Variants in SKIL observed in about 807,000 individuals in gnomAD.
SKIL encodes the protein SKI like proto-oncogene.
A neutral mutation model predicts 69.6 loss-of-function variants in SKIL; 20 were observed. That is an observed-to-expected ratio of 0.29 (90% CI 0.20 to 0.42). SKIL has a LOEUF of 0.42. Among genes scored for constraint, SKIL ranks in the 10% least tolerant of loss-of-function variants. SKIL has a pLI of 1.00. For synonymous variants in SKIL, 310 were observed against 279.9 expected, an observed-to-expected ratio of 1.11 and a Z score of -1.08; for missense variants, 745 against 783.1, an observed-to-expected ratio of 0.95 and a Z score of 0.58.
At chr3:170,372,382 T>C (rs1447474411) in intron 2 of SKIL, among the ~76,000 whole-genome samples, 1 of 152,226 alleles carries the variant, frequency 6.6e-6, no homozygotes, top group African/African-American at 2.4e-5. Context: ...CTGCCATTGC[T>C]GTGACTCCTG....
chr3:170,391,165 A>G lies in SKIL; in HGVS notation c.1801A>G (p.Lys601Glu), dbSNP rs563321311. ...QRMEEFYVEQKDLEKKLEQIM... is the reference protein window; with the variant it reads ...QRMEEFYVEQEDLEKKLEQIM... ...AATGGAAGAATTTTATGTTGAACAGAAAGACTTAGAGAAAAAATTGGAGCA... is the reference window on the plus strand; with the variant it reads ...AATGGAAGAATTTTATGTTGAACAGGAAGACTTAGAGAAAAAATTGGAGCA... The change falls in exon 6 of 7, where the codon AAA becomes GAA. Residue 601 changes from lysine to glutamate, a missense_variant. Transcript: ENST00000259119. 21 of 1,612,024 alleles carry G rather than the reference A, an allele frequency of 1.3e-5. No individual in the cohort carries two copies. The highest frequency in any genetic ancestry group is 1.2e-4 in the Admixed American group (7 of 59,994).
chr3:170,370,193 C>T (rs896272429), intron 2 of SKIL, among the ~76,000 whole-genome samples: 1 of 151,932 alleles, frequency 6.6e-6, no homozygotes, highest in Non-Finnish European at 1.5e-5. Context: ...GAGCCGAGAT[C>T]GCGCCACTGC....
intron 2 of SKIL, among the ~76,000 whole-genome samples, chr3:170,375,580 T>C (rs961542755): frequency 6.6e-6 from 1 of 152,150 alleles, no homozygotes; most frequent in African/African-American, 2.4e-5. Flanking sequence ...TATTTTTTTC[T>C]TTTTCTTTTT....
chr3:170,385,906 C>G (rs1034766801), intron 4 of SKIL, among the ~76,000 whole-genome samples: 52 of 151,780 alleles, frequency 3.4e-4, no homozygotes, highest in African/African-American at 1.2e-3. Flanking sequence ...GATTCTCCTG[C>G]CTCAGCCTCC....
chr3:170,361,062 G>A lies in SKIL; in HGVS notation c.731G>A (p.Ser244Asn), dbSNP rs1736203452. The change falls in exon 2 of 7, where the codon AGC becomes AAC. Residue 244 changes from serine to asparagine, a missense_variant. By Grantham distance (46) the Ser-to-Asn change is conservative. Coordinates refer to ENST00000259119, the MANE Select transcript of SKIL (RefSeq NM_005414.5). Reference protein sequence around the residue: ...LRPRTFPQNGSVLPAKSSLAQ... With the variant: ...LRPRTFPQNGNVLPAKSSLAQ... The stretch of plus-strand genomic sequence containing the variant: ...CCACGAACTTTTCCTCAAAATGGTA[G>A]CGTACTTCCTGCTAAAAGCTCATTG... 1 of 1,614,208 alleles carries A rather than the reference G, an allele frequency of 6.2e-7. No homozygotes were observed. The highest frequency in any genetic ancestry group is 8.5e-7 in the Non-Finnish European group (1 of 1,180,046).
At chr3:170,387,795 G>A (rs1220345303) in intron 4 of SKIL, among the ~76,000 whole-genome samples, 2 of 130,592 alleles carry the variant, frequency 1.5e-5, no homozygotes, top group South Asian at 2.5e-4. Flanking sequence ...TTAGCCGGGC[G>A]TAGTGGCGGG....
rs148563911 is a variant in SKIL, at chr3:170,389,802, G to C, written c.1430-421G>C. On this transcript the variant is annotated intron_variant, in intron 4 of 6. Coordinates refer to ENST00000259119, the MANE Select transcript of SKIL (RefSeq NM_005414.5). ...GTAGTAAGCTTTGAAATTGGGAATT[G>C]TGAGTCTTTCAACTTCGTTATTCTT... 1.6e-4 allele frequency among the ~76,000 whole-genome samples: 24 copies of C among 152,308 alleles called. No individual in the cohort carries two copies. The East Asian group carries it at 4.6e-3, about 29-fold the overall frequency.
chr3:170,376,891 C>T (rs756390501), intron 2 of SKIL, among the ~76,000 whole-genome samples: 1 of 152,134 alleles, frequency 6.6e-6, no homozygotes, highest in Admixed American at 6.5e-5. Context: ...ACTCAAGATT[C>T]TTAAACATTA....
intron 2 of SKIL, among the ~76,000 whole-genome samples, chr3:170,363,685 A>T: frequency 6.6e-6 from 1 of 152,096 alleles, no homozygotes; most frequent in Non-Finnish European, 1.5e-5. Flanking sequence ...TGGTTTCGCC[A>T]TGTTAGCTAG....
rs1736866542 is a variant in SKIL at position 170,373,073 on chromosome 3, G to A, written c.1099-8171G>A. Among the ~76,000 whole-genome samples, 3 of 138,952 alleles carry A rather than the reference G, an allele frequency of 2.2e-5. No individual in the cohort carries two copies. The South Asian group carries it at 6.8e-4, about 31-fold the overall frequency. The allele number at this position is 138,952 out of a possible 152,430, so 91.2% of individuals were successfully genotyped here. On this transcript the variant is annotated intron_variant, in intron 2 of 6. Transcript: ENST00000259119. ...CGTGATCTCGGCTCACAGCAACCTC[G>A]ACAACCTCCACATCCCAGGTTCAAG...
intron 4 of SKIL, among the ~76,000 whole-genome samples, chr3:170,388,348 G>GTT (rs1560220885): frequency 6.6e-6 from 1 of 151,804 alleles, no homozygotes; most frequent in Non-Finnish European, 1.5e-5. Flanking sequence ...TTTAATGCTA[G>GTT]GTTGTTTTAC....
chr3:170,377,871 A>G (rs955059015), intron 2 of SKIL, among the ~76,000 whole-genome samples: 2 of 145,288 alleles, frequency 1.4e-5, no homozygotes, highest in African/African-American at 5.1e-5. Context: ...TAACAAAAAT[A>G]AAGATCTCCC....
chr3:170,365,685 C>T (rs938665390), intron 2 of SKIL, among the ~76,000 whole-genome samples: 5 of 150,260 alleles, frequency 3.3e-5, no homozygotes, highest in African/African-American at 2.5e-5. Context: ...TTCTGTGAGT[C>T]ATTGAGTTGG....
chr3:170,381,198 C>A, intron 2 of SKIL, 46 bp from the exon 3 acceptor site: 1 of 1,049,514 alleles, frequency 9.5e-7, no homozygotes, highest in Non-Finnish European at 1.5e-6. Context: ...AATTAACCTT[C>A]ACAGTTTTAC....
At chr3:170,366,606 G>T (rs966352884) in intron 2 of SKIL, among the ~76,000 whole-genome samples, 3 of 152,024 alleles carry the variant, frequency 2.0e-5, no homozygotes, top group Non-Finnish European at 4.4e-5. Context: ...CCAGGAGGTG[G>T]AGGTTTCAGT....
rs1392386669 is a variant in SKIL, at chr3:170,369,179, TAA to T, written c.1098+7755_1098+7756del. On this transcript the variant is annotated intron_variant, in intron 2 of 6. Transcript: ENST00000259119. ...AATAGAGCCTCTTTATTTTTATTAT[TAA>T]AAAATAGAATTGTTAGCATATGATT... Among the ~76,000 whole-genome samples the T allele has an allele frequency of 5.3e-5, 8 of 151,682 alleles. No homozygotes were observed. In the South Asian group the frequency reaches 1.5e-3, roughly 28 times the overall value.
chr3:170,385,257 A>AG (rs1737558809), intron 4 of SKIL, among the ~76,000 whole-genome samples: 1 of 136,706 alleles, frequency 7.3e-6, no homozygotes, highest in Non-Finnish European at 1.6e-5. Flanking sequence ...AAAAAAAAAA[A>AG]TTTTTTTTTT....
chr3:170,365,752 C>CTTTTTTTTTT lies in SKIL; in HGVS notation c.1098+4335_1098+4344dup, dbSNP rs59222162. On this transcript the variant is annotated intron_variant, in intron 2 of 6. Coordinates refer to ENST00000259119, the MANE Select transcript of SKIL (RefSeq NM_005414.5). ...GCTCATTTTAAAAAGTCAAACTAGG[C>CTTTTTTTTTT]TTTTTTTTTTTTTTTTTTTTTGAGA... 3.5e-4 allele frequency among the ~76,000 whole-genome samples: 37 copies of CTTTTTTTTTT among 106,446 alleles called. 2 individuals carry two copies. The highest frequency in any genetic ancestry group is 1.2e-3 in the African/African-American group (30 of 25,214). 69.8% of individuals were successfully genotyped at this position (106,446 alleles called of 152,430 possible). A position where few individuals can be genotyped will look rare whatever the true frequency, so the allele number is the denominator to read the frequency against.
chr3:170,370,692 T>C (rs1045471652), intron 2 of SKIL, among the ~76,000 whole-genome samples: 7 of 152,202 alleles, frequency 4.6e-5, no homozygotes, highest in African/African-American at 1.7e-4. Context: ...AAGTACATAT[T>C]TTGCATTTTT....
Sources: gnomAD v4.1 joint callset for allele counts (sites outside exome capture counted in the v4.1 genomes callset) on GRCh38, gnomAD v4.1.1 for gene constraint, MANE v1.5 for transcripts, NCBI Gene and HGNC (gene_info 2026-07-23, HGNC 2026-07-21) for gene names.